PRSS48: variants seen among roughly 807,000 people sequenced by gnomAD.
PRSS48 encodes serine protease 48, also known as epidermis-specific serine protease-like protein.
In PRSS48, 21 loss-of-function variants were observed where a neutral mutation model predicts 25.6. That is an observed-to-expected ratio of 0.82 (90% CI 0.58 to 1.18). PRSS48 has a LOEUF of 1.18. PRSS48 is among the 50% of genes most tolerant of loss of function. The pLI is 0.00. For synonymous variants in PRSS48, 150 were observed against 149.3 expected (o/e 1.00, Z -0.04); for missense variants, 373 against 399.3 (o/e 0.93, Z 0.56).
At chr4:151,287,665 C>T (rs922359852) in intron 4 of PRSS48, among the ~76,000 whole-genome samples, 4 of 152,090 alleles carry the variant, frequency 2.6e-5, no homozygotes, top group African/African-American at 4.8e-5. Context: ...GAGGCCAAGA[C>T]GGGAGGATCA....
At chr4:151,283,622 G>A (rs953211051) in intron 4 of PRSS48, among the ~76,000 whole-genome samples, 15 of 149,834 alleles carry the variant, frequency 1.0e-4, no homozygotes, top group African/African-American at 3.7e-4. Context: ...GGTTCAATCA[G>A]TCATCCTCCC....
chr4:151,282,385 C>T lies in PRSS48; in HGVS notation c.453C>T (p.Thr151=), dbSNP rs183837737. The T allele has an allele frequency of 7.5e-4, 1,207 of 1,613,714 alleles. 8 individuals carry two copies. In the African/African-American group the frequency reaches 0.014, roughly 18 times the overall value. The stretch of plus-strand genomic sequence containing the variant: ...CAATTCCACCCTTTTGTTGGGTGAC[C>T]GGATGGGGAAAAGTTAAGGAAAGTT... The change falls in exon 3 of 5, where the codon ACC becomes ACT. Residue 151 remains threonine, a synonymous_variant. Transcript: ENST00000455694.
At chr4:151,285,055 G>A (rs1335899773) in intron 4 of PRSS48, among the ~76,000 whole-genome samples, 3 of 152,034 alleles carry the variant, frequency 2.0e-5, no homozygotes, top group African/African-American at 4.8e-5. Flanking sequence ...CAGCCACTAT[G>A]CATGATAATG....
chr4:151,279,615 G>A (rs1234480470), intron 1 of PRSS48, among the ~76,000 whole-genome samples, 181 bp from the exon 2 acceptor site: 1 of 152,178 alleles, frequency 6.6e-6, no homozygotes, highest in Non-Finnish European at 1.5e-5. Context: ...CTACAATCAG[G>A]GGAGTGGTCT....
chr4:151,286,366 A>G (rs983850361), intron 4 of PRSS48, among the ~76,000 whole-genome samples: 3 of 151,302 alleles, frequency 2.0e-5, no homozygotes, highest in African/African-American at 7.3e-5. Context: ...TGAGCAAGAA[A>G]AAAAAAAGAC....
At chr4:151,288,133 C>A (rs937469341) in intron 4 of PRSS48, among the ~76,000 whole-genome samples, 28 of 151,724 alleles carry the variant, frequency 1.8e-4, no homozygotes, top group African/African-American at 6.3e-4. Flanking sequence ...TTTTTCAACT[C>A]GATCAAGTGC....
chr4:151,287,926 A>C (rs2150015658), intron 4 of PRSS48, among the ~76,000 whole-genome samples: 1 of 152,320 alleles, frequency 6.6e-6, no homozygotes, highest in East Asian at 1.9e-4. Context: ...ATATACCATA[A>C]ACAACTGGGA....
exon 2 of PRSS48, chr4:151,279,896 T>C: frequency 6.2e-7 from 1 of 1,613,804 alleles, no homozygotes; most frequent in Non-Finnish European, 8.5e-7. Context: ...ACCACAACTT[T>C]ATCTGTGGAG....
At chr4:151,288,517 C>A (rs148833484) in intron 4 of PRSS48, among the ~76,000 whole-genome samples, 29 of 152,204 alleles carry the variant, frequency 1.9e-4, no homozygotes, top group African/African-American at 6.7e-4. Flanking sequence ...GAGGCCAAGG[C>A]AGGTGGATTC....
chr4:151,283,071 A>G, intron 3 of PRSS48, 46 bp from the exon 4 acceptor site: 1 of 1,587,238 alleles, frequency 6.3e-7, no homozygotes, highest in Non-Finnish European at 8.6e-7. Flanking sequence ...CTGCCCCTGC[A>G]CTTTTCTAGG....
chr4:151,290,633 T>C (rs1775228931), intron 4 of PRSS48, among the ~76,000 whole-genome samples: 1 of 152,182 alleles, frequency 6.6e-6, no homozygotes, highest in South Asian at 2.1e-4. Context: ...TGTACAACAC[T>C]GTAAATATAC....
chr4:151,285,763 A>G (rs1181561209), intron 4 of PRSS48, among the ~76,000 whole-genome samples: 2 of 152,076 alleles, frequency 1.3e-5, no homozygotes, highest in Non-Finnish European at 2.9e-5. Flanking sequence ...GCTACTTAGG[A>G]GACTGGGGCA....
chr4:151,282,215 G>T (rs375690535), exon 3 of PRSS48: 1 of 1,613,786 alleles, frequency 6.2e-7, no homozygotes, highest in African/African-American at 1.3e-5. Flanking sequence ...AAGGAAACGT[G>T]TGAAGTACTA....
At chr4:151,282,498 T>C in intron 3 of PRSS48, 85 bp downstream of exon 3, 5 of 1,416,906 alleles carry the variant, frequency 3.5e-6, no homozygotes, top group Non-Finnish European at 4.8e-6. Context: ...ATCCTTACCA[T>C]GGAAAATATT....
intron 2 of PRSS48, among the ~76,000 whole-genome samples, chr4:151,280,639 A>G (rs1774124826): frequency 6.6e-6 from 1 of 152,204 alleles, no homozygotes; most frequent in South Asian, 2.1e-4. Flanking sequence ...AGTTCAATGA[A>G]AATAAGCCAG....
exon 4 of PRSS48, chr4:151,283,135 C>T (rs1432972488): frequency 6.2e-7 from 1 of 1,613,714 alleles, no homozygotes. Context: ...TACCATTCTG[C>T]CCTTCAGGAA....
intron 1 of PRSS48, chr4:151,279,240 A>ATTTT: frequency 4.8e-6 from 1 of 207,260 alleles, no homozygotes; most frequent in South Asian, 6.6e-5. Context: ...TTCTTTTTCA[A>ATTTT]TTTTTTTTTT....
At chr4:151,279,016 C>G in intron 1 of PRSS48, 1 of 273,466 alleles carries the variant, frequency 3.7e-6, no homozygotes, top group South Asian at 4.6e-5. Flanking sequence ...TGCTAGCTAC[C>G]AGCTAGAGCT....
intron 4 of PRSS48, among the ~76,000 whole-genome samples, chr4:151,290,268 A>G (rs1008820278): frequency 1.3e-5 from 2 of 152,188 alleles, no homozygotes; most frequent in African/African-American, 2.4e-5. Flanking sequence ...TTATAATATA[A>G]TAGCCCAAAT....
Sources: allele counts gnomAD v4.1 joint callset (sites outside exome capture counted in the v4.1 genomes callset), GRCh38; gene constraint gnomAD v4.1.1; transcripts MANE v1.5; gene names NCBI Gene and HGNC (gene_info 2026-07-23, HGNC 2026-07-21).